The following PRELID2 variants were observed in gnomAD, a reference collection of about 807,000 sequenced individuals.
The protein encoded by PRELID2 is PRELI domain-containing protein 2.
PRELID2 carries 25 observed loss-of-function variants against 28.4 expected under a neutral mutation model. That is an observed-to-expected ratio of 0.88 (90% CI 0.64 to 1.23). The LOEUF (loss-of-function observed/expected upper bound fraction) is 1.23. Among genes scored for constraint, PRELID2 ranks in the 50% most tolerant of loss-of-function variants. The pLI is 0.00. For synonymous variants in PRELID2, 76 were observed against 71.6 expected, an observed-to-expected ratio of 1.06 and a Z score of -0.31; for missense variants, 201 against 214.4, an observed-to-expected ratio of 0.94 and a Z score of 0.39.
At chr5:145,312,603 T>C in the PRELID2 span, among the ~76,000 whole-genome samples, 1 of 152,230 alleles carries the variant, frequency 6.6e-6, no homozygotes, top group Non-Finnish European at 1.5e-5. Context: ...AGTGAGATCA[T>C]ACAGTATTTG....
At chr5:145,573,811 C>A (rs900933485) in intron 1 of PRELID2, among the ~76,000 whole-genome samples, 1 of 152,084 alleles carries the variant, frequency 6.6e-6, no homozygotes, top group African/African-American at 2.4e-5. Flanking sequence ...AATAAACATA[C>A]GTAGCATCTT....
At chr5:145,753,175 A>G (rs1227947212), downstream of PRELID2, among the ~76,000 whole-genome samples, 1 of 152,214 alleles carries the variant, frequency 6.6e-6, no homozygotes, top group Non-Finnish European at 1.5e-5. Context: ...ACCTTCTCTG[A>G]GAATGCTGGA....
chr5:145,773,890 A>T (rs1184069767), intron 5 of PRELID2, among the ~76,000 whole-genome samples: 1 of 152,262 alleles, frequency 6.6e-6, no homozygotes, highest in East Asian at 1.9e-4. Context: ...TGCTCAAATA[A>T]TAAATAAATC....
At chr5:145,357,104 C>T in the PRELID2 span, among the ~76,000 whole-genome samples, 2 of 152,118 alleles carry the variant, frequency 1.3e-5, no homozygotes, top group Non-Finnish European at 2.9e-5. Flanking sequence ...TGCTGAAAGG[C>T]CTTCTGTTTA....
chr5:145,416,261 T>G, the PRELID2 span, among the ~76,000 whole-genome samples: 9 of 151,930 alleles, frequency 5.9e-5, no homozygotes, highest in Non-Finnish European at 1.2e-4. Flanking sequence ...TATACAAAAA[T>G]TAATTCAAGA....
chr5:145,279,262 T>C, the PRELID2 span, among the ~76,000 whole-genome samples: 1 of 152,186 alleles, frequency 6.6e-6, no homozygotes, highest in African/African-American at 2.4e-5. Context: ...CATTTCAGTA[T>C]CTACCAGACA....
chr5:145,334,897 C>A, the PRELID2 span, among the ~76,000 whole-genome samples: 1 of 151,240 alleles, frequency 6.6e-6, no homozygotes, highest in Non-Finnish European at 1.5e-5. Context: ...CTTTACTCTT[C>A]CTGCTTTCAA....
the PRELID2 span, among the ~76,000 whole-genome samples, chr5:145,283,798 G>A: frequency 6.6e-6 from 1 of 152,140 alleles, no homozygotes; most frequent in East Asian, 1.9e-4. Context: ...CCATTAGCTG[G>A]TGTTGTATTA....
intron 1 of PRELID2, among the ~76,000 whole-genome samples, chr5:145,564,879 G>A (rs62392708): frequency 5.9e-5 from 9 of 151,966 alleles, no homozygotes; most frequent in Non-Finnish European, 1.0e-4. Flanking sequence ...CCATTATGGC[G>A]TCCCTTGGCT....
At chr5:145,486,060 T>C (rs535309928) in intron 1 of PRELID2, among the ~76,000 whole-genome samples, 2 of 152,348 alleles carry the variant, frequency 1.3e-5, no homozygotes, top group East Asian at 3.9e-4. Context: ...TGTTTTTCTG[T>C]GAGTTCTCTC....
chr5:145,366,662 A>T, the PRELID2 span, among the ~76,000 whole-genome samples: 5 of 151,814 alleles, frequency 3.3e-5, no homozygotes, highest in African/African-American at 1.2e-4. Flanking sequence ...TACTTTGACT[A>T]TTTCTGTTGA....
At chr5:145,803,691 T>C (rs1051475758) in intron 4 of PRELID2, among the ~76,000 whole-genome samples, 18 of 150,432 alleles carry the variant, frequency 1.2e-4, no homozygotes, top group African/African-American at 4.4e-4. Context: ...TTAGTAATAA[T>C]TATGCTGTTC....
At chr5:145,722,079 T>C (rs1039513643) in intron 1 of PRELID2, among the ~76,000 whole-genome samples, 19 of 152,058 alleles carry the variant, frequency 1.2e-4, no homozygotes, top group African/African-American at 4.6e-4. Flanking sequence ...ATAAGACAGA[T>C]CTTACAGATC....
At chr5:145,680,807 G>GA (rs1043874463) in intron 1 of PRELID2, among the ~76,000 whole-genome samples, 4,445 of 147,838 alleles carry the variant, frequency 0.03, 204 homozygotes, top group African/African-American at 0.1. Flanking sequence ...GGCCAGAAGG[G>GA]AAAAAAAAAA....
intron 1 of PRELID2, among the ~76,000 whole-genome samples, chr5:145,687,559 A>G (rs1755060919): frequency 6.6e-6 from 1 of 152,254 alleles, no homozygotes; most frequent in Non-Finnish European, 1.5e-5. Flanking sequence ...GGACATGATT[A>G]AATCAACTAA....
the PRELID2 span, among the ~76,000 whole-genome samples, chr5:145,359,646 A>C: frequency 6.6e-6 from 1 of 152,182 alleles, no homozygotes; most frequent in African/African-American, 2.4e-5. Context: ...GCAAGTTAAA[A>C]AGCTGGAAGG....
At chr5:145,270,870 A>G in the PRELID2 span, among the ~76,000 whole-genome samples, 1 of 152,116 alleles carries the variant, frequency 6.6e-6, no homozygotes. Flanking sequence ...ACACTGCTAT[A>G]AAGAAATACC....
intron 5 of PRELID2, among the ~76,000 whole-genome samples, chr5:145,767,571 A>G (rs1757843900): frequency 6.6e-6 from 1 of 152,150 alleles, no homozygotes; most frequent in Non-Finnish European, 1.5e-5. Context: ...TCTGAGGGTC[A>G]AAGGCAACCT....
the PRELID2 span, among the ~76,000 whole-genome samples, chr5:145,305,239 G>A: frequency 2.0e-5 from 3 of 152,184 alleles, no homozygotes; most frequent in Non-Finnish European, 4.4e-5. Flanking sequence ...ATATGATAAT[G>A]TAAAATTGTA....
Sources: gnomAD v4.1 joint callset for allele counts (sites outside exome capture counted in the v4.1 genomes callset) on GRCh38, gnomAD v4.1.1 for gene constraint, MANE v1.5 for transcripts, NCBI Gene and HGNC (gene_info 2026-07-23, HGNC 2026-07-21) for gene names.